The following CATSPERB variants were observed in gnomAD, a reference collection of about 807,000 sequenced individuals.
CATSPERB encodes cation channel sperm-associated auxiliary subunit beta.
In CATSPERB, 93 loss-of-function variants were observed where a neutral mutation model predicts 128.3. The ratio of observed to expected loss-of-function variants is 0.72; its 90% CI spans 0.61 to 0.86. CATSPERB has a LOEUF of 0.86. Ranked by LOEUF, CATSPERB falls within the 40% of genes least tolerant of loss-of-function variation. CATSPERB has a pLI of 0.00. For missense variants in CATSPERB, 1,153 were observed against 1,329.5 expected (o/e 0.87, Z 2.06); for synonymous variants, 381 against 448.8 (o/e 0.85, Z 1.91).
intron 22 of CATSPERB, among the ~76,000 whole-genome samples, chr14:91,596,491 C>A (rs903843187): frequency 2.0e-5 from 3 of 152,112 alleles, no homozygotes; most frequent in Non-Finnish European, 4.4e-5. Flanking sequence ...GCGTGAACCA[C>A]CACACCTGGC....
intron 25 of CATSPERB, 151 bp from the exon 26 acceptor site, chr14:91,587,427 T>C (rs1218137917): frequency 2.9e-6 from 1 of 346,758 alleles, no homozygotes; most frequent in Non-Finnish European, 5.2e-6. Flanking sequence ...ATACACATCA[T>C]GCATCAAAAT....
At chr14:91,683,794 A>G (rs1895327481) in intron 11 of CATSPERB, 83 bp downstream of exon 11, 1 of 870,364 alleles carries the variant, frequency 1.1e-6, no homozygotes, top group African/African-American at 1.7e-5. Flanking sequence ...GTCTTAAAAG[A>G]CCATTCCAAA....
intron 15 of CATSPERB, among the ~76,000 whole-genome samples, chr14:91,656,563 T>C (rs1894791143): frequency 6.6e-6 from 1 of 151,902 alleles, no homozygotes; most frequent in Non-Finnish European, 1.5e-5. Flanking sequence ...GAAAATTGCC[T>C]TCACTAAAAG....
In CATSPERB at chr14:91,675,534, T is replaced by C. The variant is rs371585419; in HGVS notation, c.932-1312A>G. On this transcript the variant is annotated intron_variant, in intron 11 of 26. Coordinates refer to ENST00000256343, the MANE Select transcript of CATSPERB (RefSeq NM_024764.4). ...TGTCTGGGCAGGTACATCATCTTTA[T>C]CTGTGGCACCACTTGAGCTTTGTTC... Among the ~76,000 whole-genome samples the C allele has an allele frequency of 3.0e-4, 46 of 152,342 alleles. 1 individual carries two copies. Among genetic ancestry groups the C allele is most frequent in the African/African-American group, 9.4e-4 (39 of 41,584 alleles).
chr14:91,631,104 A>G (rs896691595), intron 17 of CATSPERB, among the ~76,000 whole-genome samples: 7 of 152,218 alleles, frequency 4.6e-5, no homozygotes, highest in Admixed American at 1.3e-4. Flanking sequence ...TCTTCAAAGC[A>G]CATGTTAGAT....
intron 2 of CATSPERB, among the ~76,000 whole-genome samples, chr14:91,729,022 A>G (rs1896165613): frequency 6.6e-6 from 1 of 152,196 alleles, no homozygotes. Flanking sequence ...TACATTGTGC[A>G]CTGTTCTGAG....
intron 26 of CATSPERB, among the ~76,000 whole-genome samples, chr14:91,584,631 G>T (rs540241888): frequency 6.6e-6 from 1 of 152,304 alleles, no homozygotes; most frequent in East Asian, 1.9e-4. Flanking sequence ...ATTTGAGAAA[G>T]TCTTGATTTT....
chr14:91,625,737 T>C (rs1422773701), intron 17 of CATSPERB, among the ~76,000 whole-genome samples: 1 of 152,236 alleles, frequency 6.6e-6, no homozygotes, highest in East Asian at 1.9e-4. Context: ...TGTATTAACT[T>C]TATAACCAGG....
chr14:91,660,432 T>C (rs925729065), intron 14 of CATSPERB, among the ~76,000 whole-genome samples: 5 of 152,212 alleles, frequency 3.3e-5, no homozygotes, highest in African/African-American at 1.2e-4. Flanking sequence ...GAGCCCCTTG[T>C]CATTTGCAAG....
intron 17 of CATSPERB, among the ~76,000 whole-genome samples, chr14:91,630,895 C>T (rs772223154): frequency 6.6e-5 from 10 of 152,294 alleles, no homozygotes; most frequent in African/African-American, 9.6e-5. Flanking sequence ...ACTAGCTGAC[C>T]TCCTTGCTGG....
intron 22 of CATSPERB, chr14:91,604,996 A>C (rs1893674695): frequency 1.7e-6 from 2 of 1,167,718 alleles, no homozygotes; most frequent in African/African-American, 3.0e-5. Context: ...CATTGAGTAC[A>C]AACAGCTGTG....
chr14:91,646,574 A>G (rs956322412), intron 15 of CATSPERB, among the ~76,000 whole-genome samples: 3 of 152,246 alleles, frequency 2.0e-5, no homozygotes, highest in African/African-American at 7.2e-5. Flanking sequence ...CCACCGTGGT[A>G]TGAATTCCAG....
At position 91,661,469 on chromosome 14, in the gene CATSPERB, C is replaced by T. The variant is rs183912912; in HGVS notation, c.1288-1488G>A. Among the ~76,000 whole-genome samples, 62 of 149,136 alleles carry T rather than the reference C, an allele frequency of 4.2e-4. No individual in the cohort carries two copies. In the East Asian group the frequency reaches 9.7e-3, roughly 23 times the overall value. The stretch of plus-strand genomic sequence containing the variant: ...TATCTGCCTATTTGTACTAACGTTA[C>T]AGTGTTATCTTTAAAGAAAATACTG... On this transcript the variant is annotated intron_variant, in intron 14 of 26. Transcript: ENST00000256343.
At chr14:91,648,585 T>C (rs1039042515) in intron 15 of CATSPERB, among the ~76,000 whole-genome samples, 3 of 149,264 alleles carry the variant, frequency 2.0e-5, no homozygotes, top group African/African-American at 7.4e-5. Context: ...ACATATCTTG[T>C]ATTCTTTTAG....
intron 23 of CATSPERB, among the ~76,000 whole-genome samples, chr14:91,591,488 T>A (rs1471278888): frequency 6.6e-6 from 1 of 151,826 alleles, no homozygotes; most frequent in Non-Finnish European, 1.5e-5. Flanking sequence ...CTGAGCTTGA[T>A]TACAATGACT....
At chr14:91,638,757 G>A (rs556388614) in intron 16 of CATSPERB, among the ~76,000 whole-genome samples, 1 of 152,244 alleles carries the variant, frequency 6.6e-6, no homozygotes, top group East Asian at 1.9e-4. Flanking sequence ...AACCTTAAGA[G>A]GTAGAGAATC....
At chr14:91,693,075 G>T in intron 9 of CATSPERB, 51 bp downstream of exon 9, 1 of 1,190,264 alleles carries the variant, frequency 8.4e-7, no homozygotes, top group Non-Finnish European at 1.2e-6. Context: ...TTCTTTTTGT[G>T]TCACAGAAGA....
intron 17 of CATSPERB, among the ~76,000 whole-genome samples, chr14:91,629,905 G>A (rs971940956): frequency 6.6e-6 from 1 of 152,150 alleles, no homozygotes; most frequent in Non-Finnish European, 1.5e-5. Context: ...GTGAATTTTA[G>A]AGGTGGAGAG....
chr14:91,685,403 CTGA>C (rs1419568643), intron 10 of CATSPERB, among the ~76,000 whole-genome samples: 1 of 152,112 alleles, frequency 6.6e-6, no homozygotes, highest in Non-Finnish European at 1.5e-5. Flanking sequence ...TGTTACATGG[CTGA>C]TAAGTTAGTC....
Sources: allele counts gnomAD v4.1 joint callset (sites outside exome capture counted in the v4.1 genomes callset), GRCh38; gene constraint gnomAD v4.1.1; transcripts MANE v1.5; gene names NCBI Gene and HGNC (gene_info 2026-07-23, HGNC 2026-07-21).